Variants in INTS1 observed in about 807,000 individuals in gnomAD.
INTS1 encodes integrator complex subunit 1.
In INTS1, 137 loss-of-function variants were observed where a neutral mutation model predicts 241.6. That is an observed-to-expected ratio of 0.57 (90% CI 0.49 to 0.65). The LOEUF (loss-of-function observed/expected upper bound fraction) is 0.65. INTS1 is among the 30% of genes least tolerant of loss of function. The pLI, the probability that INTS1 is intolerant of heterozygous loss-of-function variation, is 0.00. For missense variants in INTS1, 3,073 were observed against 3,032.2 expected (o/e 1.01, Z -0.32); for synonymous variants, 1,692 against 1,337.8 (o/e 1.26, Z -5.78).
rs189786844 is a variant in INTS1, at chr7:1,476,533, C to T, written c.5151+37G>A. ...GCCACCCCCTCTCCCGGATGGGCCA[C>T]CCCCTCTCCCGGATGGGCCACCCTC... On this transcript the variant is annotated intron_variant, in intron 37 of 47. Coordinates refer to ENST00000404767, the MANE Select transcript of INTS1 (RefSeq NM_001080453.3). 4.3e-4 allele frequency: 697 copies of T among 1,610,772 alleles called. 1 individual carries two copies. In the African/African-American group the frequency reaches 8.4e-3, roughly 19 times the overall value.
At chr7:1,495,318 G>A (rs1403544278) in intron 13 of INTS1, 115 bp downstream of exon 13, 2 of 1,278,536 alleles carry the variant, frequency 1.6e-6, no homozygotes, top group Non-Finnish European at 2.1e-6. Flanking sequence ...CAGGGGCTGT[G>A]CGGGGCCTGG....
At position 1,482,700 on chromosome 7, in the gene INTS1, G is replaced by C. The variant is rs374379693; in HGVS notation, c.3549C>G (p.Asp1183Glu). 15 of 1,612,476 alleles carry C rather than the reference G, an allele frequency of 9.3e-6. No individual in the cohort carries two copies. Among genetic ancestry groups the C allele is most frequent in the Admixed American group, 1.7e-5 (1 of 59,988 alleles). Reference protein sequence around the residue: ...LLTLGPPRADDSEFQALLDIW... With the variant: ...LLTLGPPRADESEFQALLDIW... ...TGTCCAGCAGCGCCTGGAACTCGCT[G>C]TCGTCGGCTTCAGGAAGGACAACGG... Residue 1183 changes from aspartate (D) to glutamate (E), a missense_variant, in exon 27 of 48, where the codon GAC becomes GAG. Asp to Glu is a conservative substitution (Grantham distance 45). Coordinates refer to ENST00000404767, the MANE Select transcript of INTS1 (RefSeq NM_001080453.3).
In INTS1 at chr7:1,473,012, A is replaced by G. The variant is rs901320889; in HGVS notation, c.6070+60T>C. On this transcript the variant is annotated intron_variant, in intron 43 of 47. Coordinates refer to ENST00000404767, the MANE Select transcript of INTS1 (RefSeq NM_001080453.3). ...CCAGGGCTGGCTGTGCGCTGGGAAA[A>G]CCAGGCCCTGTAGGACTGTTCCGCA... 3.2e-5 allele frequency: 37 copies of G among 1,174,176 alleles called. No individual in the cohort carries two copies. The Admixed American group carries it at 8.3e-4, about 26-fold the overall frequency. 72.7% of individuals were successfully genotyped at this position (1,174,176 alleles called of 1,614,324 possible).
intron 11 of INTS1, among the ~76,000 whole-genome samples, 172 bp downstream of exon 11, chr7:1,496,966 G>A (rs1451313686): frequency 6.6e-6 from 1 of 152,164 alleles, no homozygotes. Context: ...ACAGGACAGA[G>A]CCTATGCTAC....
At chr7:1,486,441 T>C (rs530927973) in intron 22 of INTS1, among the ~76,000 whole-genome samples, 184 bp downstream of exon 22, 1 of 151,976 alleles carries the variant, frequency 6.6e-6, no homozygotes, top group East Asian at 1.9e-4. Context: ...TTTTTTCTAT[T>C]TTTAATAGAG....
Position 1,476,339 on chromosome 7 carries a change from G to A in INTS1, c.5268C>T (p.Ser1756=). 6.3e-7 allele frequency: 1 copy of A among 1,578,936 alleles called. No homozygotes were observed. The highest frequency in any genetic ancestry group is 8.6e-7 in the Non-Finnish European group (1 of 1,165,130). Residue 1756 remains serine (S), a synonymous_variant, in exon 38 of 48, where the codon AGC becomes AGT. Transcript: ENST00000404767. The part of the protein sequence containing the change: ...RSQDGDTAAC[S]LIQARLPLLL... Reference sequence around the variant, plus strand: ...GCAGGGGCAGCCGGGCCTGGATGAGGCTGCAGGCGGCTGTGTCCCCGTCCT... The same window carrying A: ...GCAGGGGCAGCCGGGCCTGGATGAGACTGCAGGCGGCTGTGTCCCCGTCCT...
intron 11 of INTS1, among the ~76,000 whole-genome samples, chr7:1,496,573 G>A (rs982952406): frequency 9.9e-5 from 15 of 152,138 alleles, no homozygotes; most frequent in African/African-American, 3.4e-4. Context: ...CAGGGATCCA[G>A]AGAGAGAGCC....
intron 33 of INTS1, among the ~76,000 whole-genome samples, 177 bp from the exon 34 acceptor site, chr7:1,478,113 G>A (rs1018233574): frequency 2.0e-5 from 3 of 148,128 alleles, no homozygotes; most frequent in South Asian, 2.1e-4. Flanking sequence ...TGCGGCCGGG[G>A]CTGGAGAGTG....
rs897978692 is a variant in INTS1, at chr7:1,474,321, G to T, written c.5676C>A (p.Thr1892=). Residue 1892 remains threonine, a synonymous_variant, in exon 41 of 48, where the codon ACC becomes ACA. Coordinates refer to ENST00000404767, the MANE Select transcript of INTS1 (RefSeq NM_001080453.3). Reference sequence around the variant, plus strand: ...GCCGGAACTCCTGGAAGTTGAGGTGGGTGCGGCCGTGCAGGAGCGCCGCGA... The same window carrying T: ...GCCGGAACTCCTGGAAGTTGAGGTGTGTGCGGCCGTGCAGGAGCGCCGCGA... ...PMIAALLHGR[T]HLNFQEFRQQ... 14 of 1,606,738 alleles carry T rather than the reference G, an allele frequency of 8.7e-6. No homozygotes were observed. Among genetic ancestry groups the T allele is most frequent in the Non-Finnish European group, 1.2e-5 (14 of 1,178,220 alleles).
At chr7:1,500,426 G>A (rs1432692321) in intron 3 of INTS1, 60 bp from the exon 4 acceptor site, 43 of 1,445,252 alleles carry the variant, frequency 3.0e-5, no homozygotes, top group Non-Finnish European at 3.6e-5. Context: ...CCAAAGCCTC[G>A]GGACACCGGG....
At position 1,493,099 on chromosome 7, in the gene INTS1, C is replaced by T. The variant is rs767669517; in HGVS notation, c.2076G>A (p.Glu692=). 2.9e-5 allele frequency: 47 copies of T among 1,613,064 alleles called. No homozygotes were observed. Among genetic ancestry groups the T allele is most frequent in the Middle Eastern group, 3.3e-4 (2 of 6,084 alleles). ...RAAAVQADDV[E]VLKVGRTQLI... Reference sequence around the variant, plus strand: ...GCTGGGTCCTCCCCACCTTCAGCACCTCCACATCTAAGACCAAGAGCCACA... The same window carrying T: ...GCTGGGTCCTCCCCACCTTCAGCACTTCCACATCTAAGACCAAGAGCCACA... The change falls in exon 16 of 48, where the codon GAG becomes GAA. Residue 692 remains glutamate (E), a synonymous_variant. Coordinates refer to ENST00000404767, the MANE Select transcript of INTS1 (RefSeq NM_001080453.3). The surrounding 1 kb of genome is among the most constrained non-coding windows in gnomAD (Gnocchi z 5.3).
In INTS1 at chr7:1,498,434, T is replaced by G; in HGVS notation, c.1403A>C (p.His468Pro). 6.2e-7 allele frequency: 1 copy of G among 1,613,840 alleles called. No individual in the cohort carries two copies. Residue 468 changes from histidine to proline, a missense_variant, in exon 10 of 48, where the codon CAC becomes CCC. By Grantham distance (77) the His-to-Pro change is moderately conservative. Coordinates refer to ENST00000404767, the MANE Select transcript of INTS1 (RefSeq NM_001080453.3). ...TACCTTGGGCGCCAGCTCTGAGCTG[T>G]GCTGCAGTGCGGTATAGAGGACCTG... ...NMQVLYTALQ[H>P]SSELAPKFLA...
rs145954943 is a variant in INTS1 at position 1,497,736 on chromosome 7, C to T, written c.1426-422G>A. ...AAAATGCCAGGCCGCGAAGACTGAA[C>T]GCGGAGCTGAGAGCGGCTGTGCCTC... On this transcript the variant is annotated intron_variant, in intron 10 of 47. Transcript: ENST00000404767. The surrounding 1 kb of genome is among the most constrained non-coding windows in gnomAD (Gnocchi z 5.3). Among the ~76,000 whole-genome samples the T allele has an allele frequency of 4.6e-5, 7 of 152,376 alleles. No homozygotes were observed. The highest frequency in any genetic ancestry group is 3.9e-4 in the East Asian group (2 of 5,184).
chr7:1,483,681 T>A, intron 26 of INTS1, 61 bp downstream of exon 26: 1 of 1,295,380 alleles, frequency 7.7e-7, no homozygotes, highest in Non-Finnish European at 1.1e-6. Context: ...CCGCTGGGTG[T>A]GGTCAGGGCT....
rs758325683 is a variant in INTS1, at chr7:1,493,765, A to C, written c.2057T>G (p.Val686Gly). The change falls in exon 15 of 48, where the codon GTG becomes GGG. Residue 686 changes from valine to glycine, a missense_variant. Physicochemically the swap from Val to Gly is moderately radical, Grantham distance 109. Coordinates refer to ENST00000404767, the MANE Select transcript of INTS1 (RefSeq NM_001080453.3). This position sits in a 1 kb window ranked among gnomAD's most constrained non-coding sequence, Gnocchi z 5.3. ...TGCAGAAGCCATACCATCCGCCTGCACGGCAGCCGCCCGCTTCACCAGGTG... is the reference window on the plus strand; with the variant it reads ...TGCAGAAGCCATACCATCCGCCTGCCCGGCAGCCGCCCGCTTCACCAGGTG... The part of the protein sequence containing the change: ...ADHLVKRAAA[V>G]QADDVEVLKV... 4 of 1,578,778 alleles carry C rather than the reference A, an allele frequency of 2.5e-6. No individual in the cohort carries two copies. The African/African-American group carries it at 5.4e-5, about 21-fold the overall frequency.
chr7:1,502,728 G>A (rs570201928), intron 3 of INTS1, among the ~76,000 whole-genome samples, 173 bp downstream of exon 3: 7 of 152,276 alleles, frequency 4.6e-5, no homozygotes, highest in African/African-American at 1.4e-4. Flanking sequence ...ATGCACACAC[G>A]GGATAAGGGC....
chr7:1,483,130 C>G (rs965704964), intron 26 of INTS1: 86 of 215,028 alleles, frequency 4.0e-4, no homozygotes, highest in African/African-American at 1.9e-3. Flanking sequence ...GTGTCTGCCT[C>G]CCAACAGGGG....
intron 13 of INTS1, 92 bp from the exon 14 acceptor site, chr7:1,494,985 C>T (rs1583149855): frequency 1.4e-6 from 2 of 1,458,536 alleles, no homozygotes; most frequent in Middle Eastern, 1.8e-4. Flanking sequence ...TCCCACGGGC[C>T]CCAGCGCTCA....
intron 43 of INTS1, among the ~76,000 whole-genome samples, chr7:1,472,769 T>C (rs894232735): frequency 1.0e-5 from 1 of 99,076 alleles, no homozygotes; most frequent in Middle Eastern, 0.013. Flanking sequence ...GGAGGCTTCC[T>C]GGGGAGGGAC....
Sources: allele counts gnomAD v4.1 joint callset (sites outside exome capture counted in the v4.1 genomes callset), GRCh38; gene constraint gnomAD v4.1.1; non-coding constraint Gnocchi (gnomAD v3.1); transcripts MANE v1.5; gene names NCBI Gene and HGNC (gene_info 2026-07-23, HGNC 2026-07-21).